Variants in ATP11C observed in about 807,000 individuals in gnomAD.
ATP11C encodes the protein phospholipid-transporting ATPase IG.
A neutral mutation model predicts 97.4 loss-of-function variants in ATP11C; 36 were observed. The ratio of observed to expected loss-of-function variants is 0.37; its 90% CI spans 0.28 to 0.49. ATP11C has a LOEUF of 0.49. Ranked by LOEUF, ATP11C falls within the 20% of genes least tolerant of loss-of-function variation. The probability of loss-of-function intolerance (pLI) is 0.98; values close to 1 mark genes in which losing one functional copy is unlikely to be tolerated. For missense variants in ATP11C, 730 were observed against 824.6 expected (o/e 0.89, Z 1.40); for synonymous variants, 275 against 290.9 (o/e 0.95, Z 0.56).
chrX:139,782,418 A>T, intron 18 of ATP11C, 129 bp downstream of exon 18: 1 of 400,077 alleles, frequency 2.5e-6, no homozygotes, highest in Admixed American at 5.2e-5. Flanking sequence ...GCTATAATAA[A>T]TAAATCTTTA....
chrX:139,761,379 T>A (rs941916635), intron 22 of ATP11C, among the ~76,000 whole-genome samples: 3 of 112,080 alleles, frequency 2.7e-5, no homozygotes, highest in Non-Finnish European at 5.6e-5. Flanking sequence ...AAAAAGTACA[T>A]ATGTTAATTT....
At chrX:139,808,790 A>C (rs1271743066) in intron 5 of ATP11C, among the ~76,000 whole-genome samples, 1 of 112,383 alleles carries the variant, frequency 8.9e-6, no homozygotes, top group Non-Finnish European at 1.9e-5. Flanking sequence ...GGGTAAATAT[A>C]AAATATAGTT....
chrX:139,735,426 A>C (rs1198159075), intron 28 of ATP11C, among the ~76,000 whole-genome samples: 1 of 111,747 alleles, frequency 8.9e-6, no homozygotes, highest in Non-Finnish European at 1.9e-5. Flanking sequence ...CTCTAGGTAG[A>C]GACACACATT....
intron 1 of ATP11C, among the ~76,000 whole-genome samples, chrX:139,852,413 C>T (rs1414480168): frequency 1.4e-5 from 1 of 73,736 alleles, no homozygotes; most frequent in African/African-American, 5.4e-5. Context: ...GAAATCAAGA[C>T]CCACCCAGTG....
intron 1 of ATP11C, among the ~76,000 whole-genome samples, chrX:139,866,704 A>C (rs1431563702): frequency 9.1e-6 from 1 of 109,633 alleles, no homozygotes; most frequent in East Asian, 2.9e-4. Context: ...GGGTGACAGA[A>C]GAAGACCCTG....
intron 1 of ATP11C, among the ~76,000 whole-genome samples, chrX:139,901,963 A>T (rs767334295): frequency 1.2e-3 from 131 of 110,240 alleles, no homozygotes; most frequent in Non-Finnish European, 1.6e-3. Flanking sequence ...GGTGGGGAAG[A>T]TGCCAGTATG....
intron 1 of ATP11C, among the ~76,000 whole-genome samples, chrX:139,867,651 G>A (rs1013277778): frequency 8.9e-6 from 1 of 111,890 alleles, no homozygotes; most frequent in African/African-American, 3.2e-5. Context: ...TGTGATGCCT[G>A]AAGCAAGCCT....
At chrX:139,764,711 T>C (rs1050863132) in intron 20 of ATP11C, among the ~76,000 whole-genome samples, 4 of 112,392 alleles carry the variant, frequency 3.6e-5, no homozygotes, top group African/African-American at 9.7e-5. Flanking sequence ...TTTCTTTAAA[T>C]AGAATTCAAT....
chrX:139,843,887 C>A, intron 1 of ATP11C, among the ~76,000 whole-genome samples: 1 of 106,607 alleles, frequency 9.4e-6, no homozygotes. Context: ...TCCTTTGCTG[C>A]CAATAACTAG....
intron 5 of ATP11C, among the ~76,000 whole-genome samples, chrX:139,805,430 A>G (rs1315579654): frequency 1.8e-5 from 2 of 112,041 alleles, no homozygotes; most frequent in Non-Finnish European, 3.8e-5. Context: ...ATGATACAAG[A>G]AAAGTACTGA....
rs2082639758 is a variant in ATP11C at position 139,789,205 on chromosome X, A to G, written c.1368+122T>C. 2.1e-5 allele frequency: 12 copies of G among 560,540 alleles called. No homozygotes were observed. In the South Asian group the frequency reaches 5.5e-4, roughly 26 times the overall value. 46.2% of individuals were successfully genotyped at this position (560,540 alleles called of 1,213,427 possible). ...GCAACAGAGTGAGACTCCATCTCAA[A>G]AAAAAAAAACAAAAACACAAAAGTC... On this transcript the variant is annotated intron_variant, in intron 13 of 29. Coordinates refer to ENST00000682941, the MANE Select transcript of ATP11C (RefSeq NM_001353812.2).
chrX:139,822,426 T>TG (rs202221889), intron 2 of ATP11C, among the ~76,000 whole-genome samples: 2 of 109,825 alleles, frequency 1.8e-5, no homozygotes, highest in Non-Finnish European at 3.8e-5. Context: ...TTTGTTTGTT[T>TG]TTTTTGAGAC....
At chrX:139,931,112 G>C (rs1341620803) in intron 1 of ATP11C, among the ~76,000 whole-genome samples, 5 of 112,128 alleles carry the variant, frequency 4.5e-5, no homozygotes, top group Non-Finnish European at 3.8e-5. Context: ...GCTACAAATA[G>C]CAGCACGGAA....
rs768258707 is a variant in ATP11C, at chrX:139,774,766, G to C, written c.2140C>G (p.Arg714Gly). Residue 714 changes from arginine to glycine, a missense_variant, in exon 19 of 30, where the codon CGA becomes GGA. Arg to Gly is a moderately radical substitution (Grantham distance 125). Transcript: ENST00000682941. ...TIEESERKED[R>G]LHELLIEYRK... ...TATTCTATCAATAATTCATGTAATCGATCTTCTTTCCTTTCACTTTCTTCA... is the reference window on the plus strand; with the variant it reads ...TATTCTATCAATAATTCATGTAATCCATCTTCTTTCCTTTCACTTTCTTCA... The C allele has an allele frequency of 2.5e-6, 3 of 1,210,331 alleles. No homozygotes were observed. In the Admixed American group the frequency reaches 6.5e-5, roughly 26 times the overall value.
At chrX:139,866,339 G>A (rs1396553109) in intron 1 of ATP11C, among the ~76,000 whole-genome samples, 3 of 59,693 alleles carry the variant, frequency 5.0e-5, no homozygotes, top group South Asian at 1.3e-3. Context: ...GAAAGACTCT[G>A]TCTCAAAAAA....
At chrX:139,862,778 T>G (rs1460553332) in intron 1 of ATP11C, among the ~76,000 whole-genome samples, 1 of 111,459 alleles carries the variant, frequency 9.0e-6, no homozygotes, top group East Asian at 2.8e-4. Flanking sequence ...TCTTTATATC[T>G]TAGAAATGTC....
At chrX:139,744,424 A>G (rs976364710) in intron 25 of ATP11C, among the ~76,000 whole-genome samples, 1 of 111,962 alleles carries the variant, frequency 8.9e-6, no homozygotes, top group Non-Finnish European at 1.9e-5. Flanking sequence ...TATGAACTCA[A>G]AATGGGTAAT....
intron 1 of ATP11C, among the ~76,000 whole-genome samples, chrX:139,861,007 C>T (rs372312666): frequency 2.7e-5 from 3 of 111,598 alleles, no homozygotes; most frequent in African/African-American, 9.8e-5. Context: ...AGCATTTCTA[C>T]GCCCCAATGC....
chrX:139,898,808 C>T (rs2084850752), intron 1 of ATP11C, among the ~76,000 whole-genome samples: 1 of 111,756 alleles, frequency 8.9e-6, no homozygotes. Flanking sequence ...GAATCTCCTA[C>T]TTAAATAACA....
Sources: gnomAD v4.1 joint callset for allele counts (sites outside exome capture counted in the v4.1 genomes callset) on GRCh38, gnomAD v4.1.1 for gene constraint, MANE v1.5 for transcripts, NCBI Gene and HGNC (gene_info 2026-07-23, HGNC 2026-07-21) for gene names.